The following SNX29 variants were observed in gnomAD, a reference collection of about 807,000 sequenced individuals.
SNX29 encodes sorting nexin 29, also known as sorting nexin-29.
Under a neutral mutation model 102.1 loss-of-function variants are expected in SNX29, and 78 were observed. That is an observed-to-expected ratio of 0.76 (90% CI 0.64 to 0.92). The LOEUF is 0.92. Among genes scored for constraint, SNX29 ranks in the 40% least tolerant of loss-of-function variants. The probability of loss-of-function intolerance (pLI) is 0.00; values close to 1 mark genes in which losing one functional copy is unlikely to be tolerated. For missense variants in SNX29, 1,280 were observed against 1,061.7 expected, an observed-to-expected ratio of 1.21 and a Z score of -2.86; for synonymous variants, 580 against 414.5, an observed-to-expected ratio of 1.40 and a Z score of -4.85.
chr16:12,239,036 C>G (rs529668834), intron 14 of SNX29, among the ~76,000 whole-genome samples: 1 of 152,198 alleles, frequency 6.6e-6, no homozygotes, highest in Non-Finnish European at 1.5e-5. Context: ...AGTCTCATCT[C>G]ACAACTTGAG....
At chr16:12,175,719 T>C (rs139392157) in intron 13 of SNX29, among the ~76,000 whole-genome samples, 5 of 151,692 alleles carry the variant, frequency 3.3e-5, no homozygotes, top group African/African-American at 7.3e-5. Flanking sequence ...GAGGGGAGGT[T>C]GGGTGTGGTA....
intron 20 of SNX29, among the ~76,000 whole-genome samples, chr16:12,529,936 C>G (rs1417415165): frequency 3.9e-5 from 6 of 152,176 alleles, no homozygotes; most frequent in Non-Finnish European, 5.9e-5. Flanking sequence ...CAGCGTTACC[C>G]AGTTGCCAGT....
intron 13 of SNX29, among the ~76,000 whole-genome samples, chr16:12,169,440 G>A (rs1295987143): frequency 2.0e-5 from 3 of 152,194 alleles, no homozygotes; most frequent in East Asian, 1.9e-4. Flanking sequence ...CAGTGGGCAC[G>A]GACTTGGCTG....
intron 13 of SNX29, among the ~76,000 whole-genome samples, chr16:12,160,063 C>A (rs2055718935): frequency 6.6e-6 from 1 of 152,154 alleles, no homozygotes; most frequent in African/African-American, 2.4e-5. Context: ...ACAAATGGTT[C>A]TAGGGCCAAG....
At chr16:12,271,218 C>G (rs895778270) in intron 14 of SNX29, among the ~76,000 whole-genome samples, 3 of 152,226 alleles carry the variant, frequency 2.0e-5, no homozygotes, top group African/African-American at 4.8e-5. Context: ...AGCCACATGC[C>G]TGGCTCAGGG....
At chr16:12,157,260 C>G (rs1446571068) in intron 13 of SNX29, among the ~76,000 whole-genome samples, 1 of 152,160 alleles carries the variant, frequency 6.6e-6, no homozygotes, top group Non-Finnish European at 1.5e-5. Context: ...TCCACACTAT[C>G]CAGCAGGGCT....
chr16:12,383,724 G>GCAC (rs2151439093), intron 16 of SNX29, among the ~76,000 whole-genome samples: 1 of 148,194 alleles, frequency 6.7e-6, no homozygotes, highest in East Asian at 2.0e-4. Flanking sequence ...GCGTGAGCCA[G>GCAC]CACGCCCAGC....
chr16:12,053,970 T>G (rs2050413403), intron 8 of SNX29, among the ~76,000 whole-genome samples: 1 of 151,478 alleles, frequency 6.6e-6, no homozygotes, highest in Non-Finnish European at 1.5e-5. Context: ...ATTGTCAGTT[T>G]TTGTTTTTTT....
intron 18 of SNX29, among the ~76,000 whole-genome samples, chr16:12,475,002 C>G (rs922995381): frequency 6.6e-6 from 1 of 152,202 alleles, no homozygotes; most frequent in Non-Finnish European, 1.5e-5. Flanking sequence ...CATTCCTAAC[C>G]CAAGTCCAGT....
chr16:12,543,365 C>G (rs1270471634), intron 20 of SNX29, among the ~76,000 whole-genome samples: 1 of 152,162 alleles, frequency 6.6e-6, no homozygotes, highest in East Asian at 1.9e-4. Context: ...CCCACCTAAG[C>G]TCATGGACTG....
intron 15 of SNX29, among the ~76,000 whole-genome samples, chr16:12,308,316 G>T (rs913699185): frequency 6.6e-6 from 1 of 152,188 alleles, no homozygotes; most frequent in Non-Finnish European, 1.5e-5. Flanking sequence ...GTATCATTCT[G>T]ATTGTCCAGT....
intron 13 of SNX29, among the ~76,000 whole-genome samples, chr16:12,197,917 G>A (rs558306550): frequency 2.6e-5 from 4 of 151,862 alleles, no homozygotes; most frequent in South Asian, 4.2e-4. Context: ...TGCTGTTGCC[G>A]TGGGCTGAGA....
intron 13 of SNX29, among the ~76,000 whole-genome samples, chr16:12,190,237 C>G (rs1432712563): frequency 1.3e-5 from 2 of 152,118 alleles, no homozygotes; most frequent in Non-Finnish European, 2.9e-5. Context: ...GCCCTGATGT[C>G]AGTTCCACTT....
At position 12,476,383 on chromosome 16, in the gene SNX29, A is replaced by AATATAT. The variant is rs1567603099; in HGVS notation, c.2038-1312_2038-1307dup. 8.1e-3 allele frequency among the ~76,000 whole-genome samples: 77 copies of AATATAT among 9,464 alleles called. 1 individual carries two copies. The highest frequency in any genetic ancestry group is 0.015 in the Non-Finnish European group (67 of 4,608). The allele number at this position is 9,464 out of a possible 152,430, so 6.2% of individuals were successfully genotyped here. The stretch of plus-strand genomic sequence containing the variant: ...AAAAAAAAAAAAAAAAAAAAAAAAA[A>AATATAT]ATATATATATATATATATATATATA... On this transcript the variant is annotated intron_variant, in intron 18 of 20. Coordinates refer to ENST00000566228, the MANE Select transcript of SNX29 (RefSeq NM_032167.5).
At chr16:12,120,454 T>A (rs2053925356) in intron 11 of SNX29, among the ~76,000 whole-genome samples, 1 of 152,240 alleles carries the variant, frequency 6.6e-6, no homozygotes, top group Non-Finnish European at 1.5e-5. Flanking sequence ...CCCTGTCTAG[T>A]CATCGCAGTC....
chr16:12,078,226 G>C (rs181154), intron 10 of SNX29, among the ~76,000 whole-genome samples: 4 of 151,790 alleles, frequency 2.6e-5, no homozygotes, highest in Non-Finnish European at 5.9e-5. Flanking sequence ...TGTAATCCCA[G>C]CACTTTGGGA....
chr16:12,537,984 CAAAA>C (rs33931845), intron 20 of SNX29, among the ~76,000 whole-genome samples: 6,398 of 128,060 alleles, frequency 0.05, 235 homozygotes, highest in East Asian at 0.21. Flanking sequence ...AACTCCGTTT[CAAAA>C]AAAAAAAAAA....
chr16:12,352,950 C>T (rs1201273717), intron 15 of SNX29, among the ~76,000 whole-genome samples: 1 of 152,162 alleles, frequency 6.6e-6, no homozygotes, highest in Non-Finnish European at 1.5e-5. Flanking sequence ...TGTCAGGACA[C>T]AAGTGCCTGG....
At chr16:12,431,084 T>G (rs2085293206) in intron 18 of SNX29, among the ~76,000 whole-genome samples, 1 of 152,184 alleles carries the variant, frequency 6.6e-6, no homozygotes, top group Admixed American at 6.5e-5. Context: ...ACTCCTGATC[T>G]CAGGTGATCC....
Sources: gnomAD v4.1 joint callset for allele counts (sites outside exome capture counted in the v4.1 genomes callset) on GRCh38, gnomAD v4.1.1 for gene constraint, MANE v1.5 for transcripts, NCBI Gene and HGNC (gene_info 2026-07-23, HGNC 2026-07-21) for gene names.